PTK2: variants seen among roughly 807,000 people sequenced by gnomAD.
The protein encoded by PTK2 is focal adhesion kinase 1.
Under a neutral mutation model 150.1 loss-of-function variants are expected in PTK2, and 45 were observed. That is an observed-to-expected ratio of 0.30 (90% CI 0.24 to 0.38). PTK2 has a LOEUF of 0.38. Ranked by LOEUF, PTK2 falls within the 10% of genes least tolerant of loss-of-function variation. PTK2 has a pLI of 1.00. For synonymous variants in PTK2, 432 were observed against 449.2 expected, an observed-to-expected ratio of 0.96 and a Z score of 0.48; for missense variants, 919 against 1,307.3, an observed-to-expected ratio of 0.70 and a Z score of 4.58.
At chr8:140,826,851 G>A (rs148271796) in intron 8 of PTK2, among the ~76,000 whole-genome samples, 4 of 152,132 alleles carry the variant, frequency 2.6e-5, no homozygotes, top group East Asian at 1.9e-4. Flanking sequence ...CTGAGTGGCC[G>A]AGGCTGCAGT....
intron 25 of PTK2, among the ~76,000 whole-genome samples, chr8:140,702,222 C>CTT (rs57156667): frequency 0.024 from 2,938 of 123,726 alleles, 129 homozygotes; most frequent in African/African-American, 0.077. Flanking sequence ...TATTTATTAC[C>CTT]TTTTTTTTTT....
intron 4 of PTK2, among the ~76,000 whole-genome samples, chr8:140,875,560 T>TG (rs899920709): frequency 2.6e-5 from 4 of 152,236 alleles, no homozygotes; most frequent in Non-Finnish European, 4.4e-5. Flanking sequence ...GAGAAGCTAC[T>TG]GGAAGTTTCT....
chr8:140,957,556 G>A (rs998233965), intron 1 of PTK2, among the ~76,000 whole-genome samples: 4 of 152,176 alleles, frequency 2.6e-5, no homozygotes, highest in Non-Finnish European at 5.9e-5. Flanking sequence ...AGCGTACAGT[G>A]ATAATTTAGG....
chr8:140,767,211 C>T (rs2100072757), intron 14 of PTK2, among the ~76,000 whole-genome samples: 1 of 151,532 alleles, frequency 6.6e-6, no homozygotes, highest in Non-Finnish European at 1.5e-5. Flanking sequence ...ATGTTGCATA[C>T]ATTTCAATTA....
chr8:140,714,508 G>C (rs1219546793), intron 23 of PTK2, among the ~76,000 whole-genome samples: 1 of 151,248 alleles, frequency 6.6e-6, no homozygotes, highest in Non-Finnish European at 1.5e-5. Context: ...AAAAATCTAA[G>C]TAAGACAGCC....
chr8:140,907,955 C>T (rs932377260), intron 2 of PTK2, among the ~76,000 whole-genome samples: 4 of 152,108 alleles, frequency 2.6e-5, no homozygotes, highest in African/African-American at 4.8e-5. Flanking sequence ...TCAAGTGAAA[C>T]GAACAGTCCC....
intron 4 of PTK2, among the ~76,000 whole-genome samples, chr8:140,870,007 T>A (rs971141135): frequency 6.6e-6 from 1 of 152,058 alleles, no homozygotes; most frequent in Non-Finnish European, 1.5e-5. Flanking sequence ...ATGAACAATA[T>A]AATCTTCAAA....
intron 26 of PTK2, among the ~76,000 whole-genome samples, chr8:140,688,150 T>C (rs1031543340): frequency 1.3e-5 from 2 of 152,146 alleles, no homozygotes; most frequent in African/African-American, 2.4e-5. Context: ...TGAAACAGAA[T>C]AGACAGCCCT....
chr8:140,970,691 T>G (rs1161927920), intron 1 of PTK2, among the ~76,000 whole-genome samples: 1 of 152,198 alleles, frequency 6.6e-6, no homozygotes, highest in Admixed American at 6.5e-5. Context: ...GCTTCTAACC[T>G]TGCTGCTCTG....
At chr8:140,971,597 A>C (rs1463913345) in intron 1 of PTK2, among the ~76,000 whole-genome samples, 1 of 152,208 alleles carries the variant, frequency 6.6e-6, no homozygotes, top group Non-Finnish European at 1.5e-5. Flanking sequence ...GATGTTTCTT[A>C]ATGGATTCAA....
In PTK2 at chr8:140,856,581, C is replaced by T. The variant is rs1047494443; in HGVS notation, c.450+7731G>A. Among the ~76,000 whole-genome samples, 6 of 152,110 alleles carry T rather than the reference C, an allele frequency of 3.9e-5. No individual in the cohort carries two copies. The Middle Eastern group carries it at 0.01, about 259-fold the overall frequency. On this transcript the variant is annotated intron_variant, in intron 5 of 31. Transcript: ENST00000522684. The stretch of plus-strand genomic sequence containing the variant: ...TTCTAAAACATGCAAAACTAAACTA[C>T]GGTGGGAAAAACACAGGAGCAATGG...
At chr8:140,882,938 T>C (rs1206598025) in intron 3 of PTK2, among the ~76,000 whole-genome samples, 1 of 152,182 alleles carries the variant, frequency 6.6e-6, no homozygotes, top group Non-Finnish European at 1.5e-5. Context: ...TGAATAAAAT[T>C]AATCTTATGA....
At chr8:140,847,576 G>A (rs920926940) in intron 5 of PTK2, among the ~76,000 whole-genome samples, 2 of 151,986 alleles carry the variant, frequency 1.3e-5, no homozygotes, top group African/African-American at 4.8e-5. Context: ...CCTCCAAGAC[G>A]CATCCCATTC....
intron 26 of PTK2, among the ~76,000 whole-genome samples, chr8:140,697,136 GGAAAAAAAAAAA>G (rs1463068922): frequency 1.2e-4 from 5 of 43,336 alleles, no homozygotes; most frequent in South Asian, 2.8e-3. Flanking sequence ...CCTGTTTCCG[GGAAAAAAAAAAA>G]AAAAAAAAAA....
At chr8:140,790,211 T>C (rs2100087659) in intron 13 of PTK2, among the ~76,000 whole-genome samples, 1 of 152,212 alleles carries the variant, frequency 6.6e-6, no homozygotes, top group Non-Finnish European at 1.5e-5. Flanking sequence ...AGTTACCTGA[T>C]CTTTTTATAA....
At chr8:140,682,694 A>G (rs1429547300) in intron 27 of PTK2, among the ~76,000 whole-genome samples, 1 of 152,074 alleles carries the variant, frequency 6.6e-6, no homozygotes, top group Non-Finnish European at 1.5e-5. Context: ...CACAATAAAA[A>G]CAGAATCAGT....
intron 2 of PTK2, among the ~76,000 whole-genome samples, chr8:140,902,617 TTC>T (rs2100158958): frequency 1.3e-5 from 2 of 152,134 alleles, no homozygotes; most frequent in African/African-American, 4.8e-5. Flanking sequence ...CCTCTCCAGC[TTC>T]TGTTGTTTCC....
chr8:140,988,354 G>A (rs1373484862), intron 1 of PTK2, among the ~76,000 whole-genome samples: 1 of 152,194 alleles, frequency 6.6e-6, no homozygotes, highest in Non-Finnish European at 1.5e-5. Flanking sequence ...TCCACAATGA[G>A]ATAAGACTTA....
chr8:140,926,135 C>A (rs2100169341), intron 1 of PTK2, among the ~76,000 whole-genome samples: 1 of 152,216 alleles, frequency 6.6e-6, no homozygotes, highest in South Asian at 2.1e-4. Context: ...TGCAGTCTGG[C>A]TACAGAGTCC....
Sources: allele counts gnomAD v4.1 joint callset (sites outside exome capture counted in the v4.1 genomes callset), GRCh38; gene constraint gnomAD v4.1.1; transcripts MANE v1.5; gene names NCBI Gene and HGNC (gene_info 2026-07-23, HGNC 2026-07-21).